The following SIPA1L3 variants were observed in gnomAD, a reference collection of about 807,000 sequenced individuals.
The protein encoded by SIPA1L3 is signal induced proliferation associated 1 like 3.
In SIPA1L3, 59 loss-of-function variants were observed where a neutral mutation model predicts 150.1. The ratio of observed to expected loss-of-function variants is 0.39; its 90% CI spans 0.32 to 0.49. The LOEUF is 0.49. Among genes scored for constraint, SIPA1L3 ranks in the 20% least tolerant of loss-of-function variants. The probability of loss-of-function intolerance (pLI) is 0.86; values close to 1 mark genes in which losing one functional copy is unlikely to be tolerated. For synonymous variants in SIPA1L3, 1,070 were observed against 1,077.6 expected (o/e 0.99, Z 0.14); for missense variants, 2,211 against 2,489.5 (o/e 0.89, Z 2.38).
chr19:38,174,701 T>C (rs2146006548), intron 15 of SIPA1L3, among the ~76,000 whole-genome samples: 1 of 152,002 alleles, frequency 6.6e-6, no homozygotes, highest in East Asian at 1.9e-4. Flanking sequence ...AATACAAAAA[T>C]TAGCCAGGTG....
At chr19:38,069,882 G>T (rs1246012410) in intron 2 of SIPA1L3, among the ~76,000 whole-genome samples, 1 of 150,200 alleles carries the variant, frequency 6.7e-6, no homozygotes, top group Non-Finnish European at 1.5e-5. Flanking sequence ...TACCATGTTG[G>T]CCAGGCTGGT....
In SIPA1L3 at chr19:38,182,584, G is replaced by A. The variant is rs199877107; in HGVS notation, c.4274G>A (p.Arg1425Gln). Residue 1425 changes from arginine to glutamine, a missense_variant, in exon 16 of 22, where the codon CGG becomes CAG. Physicochemically the swap from Arg to Gln is conservative, Grantham distance 43. Around this residue, in one of 5 missense-constraint regions of SIPA1L3, gnomAD observed 806 missense variants for 870.1 expected, o/e 0.93. Coordinates refer to ENST00000222345, the MANE Select transcript of SIPA1L3 (RefSeq NM_015073.3). ...AAAACTGCCAGTGCAGAGACTCCTCGGCCCTCCCAGCTGGCCCAGCCCAGC... is the reference window on the plus strand; with the variant it reads ...AAAACTGCCAGTGCAGAGACTCCTCAGCCCTCCCAGCTGGCCCAGCCCAGC... Reference protein sequence around the residue: ...VYKTASAETPRPSQLAQPSPF... With the variant: ...VYKTASAETPQPSQLAQPSPF... 9.5e-5 allele frequency: 153 copies of A among 1,613,946 alleles called. No individual in the cohort carries two copies. Among genetic ancestry groups the A allele is most frequent in the South Asian group, 3.3e-4 (30 of 91,080 alleles).
At chr19:38,073,658 AG>A (rs1320494426) in intron 2 of SIPA1L3, among the ~76,000 whole-genome samples, 9 of 152,216 alleles carry the variant, frequency 5.9e-5, no homozygotes, top group Admixed American at 3.9e-4. Flanking sequence ...AATGAACACG[AG>A]GCCAGAGGAG....
At chr19:38,000,187 C>A (rs994644026) in intron 1 of SIPA1L3, among the ~76,000 whole-genome samples, 2 of 152,274 alleles carry the variant, frequency 1.3e-5, no homozygotes, top group South Asian at 2.1e-4. Context: ...CTTTGGTCAG[C>A]TAGGTGTGGT....
At chr19:38,114,424 CAAA>C (rs5828003) in intron 8 of SIPA1L3, among the ~76,000 whole-genome samples, 22 of 100,218 alleles carry the variant, frequency 2.2e-4, no homozygotes, top group South Asian at 3.4e-4. Flanking sequence ...ACTCTTGTCT[CAAA>C]AAAAAAAAAA....
chr19:38,141,264 C>T lies in SIPA1L3; in HGVS notation c.3224C>T (p.Pro1075Leu). 1 of 1,613,844 alleles carries T rather than the reference C, an allele frequency of 6.2e-7. No individual in the cohort carries two copies. Among genetic ancestry groups the T allele is most frequent in the South Asian group, 1.1e-5 (1 of 91,066 alleles). Reference protein sequence around the residue: ...QESITPGGRPPYRSNAPWQWS... With the variant: ...QESITPGGRPLYRSNAPWQWS... ...AGCATCACTCCTGGGGGCCGGCCCC[C>T]CTACCGCAGCAATGCTCCCTGGCAG... The change falls in exon 11 of 22, where the codon CCC becomes CTC. Residue 1075 changes from proline (P) to leucine (L), a missense_variant. Around this residue, in one of 5 missense-constraint regions of SIPA1L3, gnomAD observed 806 missense variants for 870.1 expected, o/e 0.93. Coordinates refer to ENST00000222345, the MANE Select transcript of SIPA1L3 (RefSeq NM_015073.3).
Position 38,082,395 on chromosome 19 carries a change from C to CGAAGGA in SIPA1L3, c.842_847dup (p.Glu281_Lys282dup), listed in dbSNP as rs1281424873. ...GACAGCCTCCTGCCACTGCAGCCCACGAAGGAGAAGGAGAAGGCCCGGAAG... is the reference window on the plus strand; with the variant it reads ...GACAGCCTCCTGCCACTGCAGCCCACGAAGGAGAAGGAGAAGGAGAAGGCCCGGAAG... On this transcript the variant is annotated inframe_insertion, in exon 3 of 22. Transcript: ENST00000222345. 4.4e-6 allele frequency: 7 copies of CGAAGGA among 1,598,652 alleles called. No homozygotes were observed. Among genetic ancestry groups the CGAAGGA allele is most frequent in the African/African-American group, 1.3e-5 (1 of 74,872 alleles).
chr19:38,022,752 G>C (rs959238919), intron 1 of SIPA1L3, among the ~76,000 whole-genome samples: 1 of 152,154 alleles, frequency 6.6e-6, no homozygotes. Flanking sequence ...AAACACAACA[G>C]AAAACAGTGC....
intron 6 of SIPA1L3, among the ~76,000 whole-genome samples, chr19:38,103,846 G>A (rs1157661750): frequency 1.3e-4 from 18 of 137,968 alleles, no homozygotes; most frequent in Non-Finnish European, 2.0e-4. Context: ...AGCTTGCAAT[G>A]AGCCGAGATC....
chr19:37,981,643 C>T (rs1445793546), intron 1 of SIPA1L3, among the ~76,000 whole-genome samples: 3 of 152,070 alleles, frequency 2.0e-5, no homozygotes, highest in African/African-American at 4.8e-5. Flanking sequence ...TGTCAGATGA[C>T]GCAGTGCCAG....
At chr19:37,956,786 AT>A (rs1379136014) in intron 1 of SIPA1L3, among the ~76,000 whole-genome samples, 1 of 152,140 alleles carries the variant, frequency 6.6e-6, no homozygotes, top group African/African-American at 2.4e-5. Context: ...GCCCACCCTA[AT>A]ATAAAAGTTT....
At chr19:38,125,244 C>CA (rs1971146077) in intron 9 of SIPA1L3, among the ~76,000 whole-genome samples, 2 of 152,274 alleles carry the variant, frequency 1.3e-5, no homozygotes, top group South Asian at 4.1e-4. Context: ...CCATGTTGGC[C>CA]AGGCTAGTCT....
At chr19:38,132,504 A>C (rs950232132) in intron 10 of SIPA1L3, among the ~76,000 whole-genome samples, 1 of 149,506 alleles carries the variant, frequency 6.7e-6, no homozygotes, top group Non-Finnish European at 1.5e-5. Flanking sequence ...GAATTGCTTG[A>C]ACCCGGGAGG....
intron 2 of SIPA1L3, among the ~76,000 whole-genome samples, chr19:38,034,076 G>C (rs1968721981): frequency 6.6e-6 from 1 of 151,422 alleles, no homozygotes; most frequent in African/African-American, 2.4e-5. Flanking sequence ...TGATTCTCTT[G>C]ATCTTTCCCC....
chr19:38,182,453 T>C (rs1972575259), intron 15 of SIPA1L3, 66 bp from the exon 16 acceptor site: 1 of 1,204,382 alleles, frequency 8.3e-7, no homozygotes, highest in East Asian at 2.3e-5. Context: ...TAAACTTCAA[T>C]AGCTCTGTCT....
At chr19:37,999,672 G>A (rs1967735624) in intron 1 of SIPA1L3, among the ~76,000 whole-genome samples, 1 of 152,200 alleles carries the variant, frequency 6.6e-6, no homozygotes, top group African/African-American at 2.4e-5. Flanking sequence ...AATGTTTCTT[G>A]GGTAGCCCAG....
At chr19:37,946,155 CAAAA>C (rs35985422) in intron 1 of SIPA1L3, among the ~76,000 whole-genome samples, 1 of 135,020 alleles carries the variant, frequency 7.4e-6, no homozygotes, top group African/African-American at 2.8e-5. Context: ...GACTTTGTCT[CAAAA>C]AAAAAAAATA....
At chr19:38,152,705 C>A in intron 12 of SIPA1L3, 135 bp from the exon 13 acceptor site, 1 of 901,960 alleles carries the variant, frequency 1.1e-6, no homozygotes, top group Non-Finnish European at 1.6e-6. Context: ...GCCTTCCTAA[C>A]CGCTTTCTCT....
chr19:37,986,290 G>A (rs1967349141), intron 1 of SIPA1L3, among the ~76,000 whole-genome samples: 1 of 152,244 alleles, frequency 6.6e-6, no homozygotes, highest in Non-Finnish European at 1.5e-5. Flanking sequence ...TAATTCCTGT[G>A]CTTAGAAAAG....
Sources: gnomAD v4.1 joint callset for allele counts (sites outside exome capture counted in the v4.1 genomes callset) on GRCh38, gnomAD v4.1.1 for gene constraint, gnomAD v4.1.1 regional missense constraint, MANE v1.5 for transcripts, NCBI Gene and HGNC (gene_info 2026-07-23, HGNC 2026-07-21) for gene names.